Variants in RAB11FIP4 observed in about 807,000 individuals in gnomAD.
RAB11FIP4 encodes the protein rab11 family-interacting protein 4.
RAB11FIP4 carries 23 observed loss-of-function variants against 74.3 expected under a neutral mutation model. The ratio of observed to expected loss-of-function variants is 0.31; its 90% CI spans 0.22 to 0.44. The LOEUF (loss-of-function observed/expected upper bound fraction) is 0.44. Among genes scored for constraint, RAB11FIP4 ranks in the 20% least tolerant of loss-of-function variants. The probability of loss-of-function intolerance (pLI) is 1.00; values close to 1 mark genes in which losing one functional copy is unlikely to be tolerated. For missense variants in RAB11FIP4, 630 were observed against 863.9 expected, an observed-to-expected ratio of 0.73 and a Z score of 3.39; for synonymous variants, 360 against 359.9, an observed-to-expected ratio of 1.00 and a Z score of 0.00.
At chr17:31,403,185 C>T (rs936203757) in intron 1 of RAB11FIP4, among the ~76,000 whole-genome samples, 2 of 150,612 alleles carry the variant, frequency 1.3e-5, no homozygotes, top group Non-Finnish European at 3.0e-5. Flanking sequence ...CCCAGTACAC[C>T]CCAGGCATGG....
rs1597987059 is a variant in RAB11FIP4 at position 31,528,620 on chromosome 17, C to T, written c.1495C>T (p.Leu499Phe). The T allele has an allele frequency of 3.7e-6, 6 of 1,613,524 alleles. No individual in the cohort carries two copies. The highest frequency in any genetic ancestry group is 1.7e-4 in the Middle Eastern group (1 of 6,058). ...GCCAACCTGCTTCTCTCCCTCGCAG[C>T]TCATCGAGGACTTGCGGAAGGAGCT... ...FQKEREATQE[L>F]IEDLRKELEH... Residue 499 changes from leucine (L) to phenylalanine (F), a missense_variant and splice_region_variant, in exon 13 of 15, where the codon CTC becomes TTC. Leu to Phe is a conservative substitution (Grantham distance 22, BLOSUM62 0). Coordinates refer to ENST00000621161, the MANE Select transcript of RAB11FIP4 (RefSeq NM_032932.6).
At chr17:31,477,886 T>C (rs1235170748) in intron 3 of RAB11FIP4, among the ~76,000 whole-genome samples, 1 of 152,108 alleles carries the variant, frequency 6.6e-6, no homozygotes, top group Non-Finnish European at 1.5e-5. Context: ...AAAATGGGGA[T>C]AATACCTGCC....
intron 4 of RAB11FIP4, 103 bp from the exon 5 acceptor site, chr17:31,521,063 C>A: frequency 5.8e-6 from 5 of 867,452 alleles, no homozygotes; most frequent in South Asian, 5.7e-5. Context: ...CAAACTTAAT[C>A]GGTAGTGCCA....
chr17:31,454,018 C>T (rs1418672357), intron 3 of RAB11FIP4, among the ~76,000 whole-genome samples: 1 of 152,044 alleles, frequency 6.6e-6, no homozygotes, highest in Non-Finnish European at 1.5e-5. Flanking sequence ...CACCCACAGC[C>T]ACCTGCTGCT....
intron 1 of RAB11FIP4, among the ~76,000 whole-genome samples, chr17:31,401,790 A>T (rs2070988545): frequency 6.6e-6 from 1 of 151,928 alleles, no homozygotes; most frequent in Admixed American, 6.6e-5. Flanking sequence ...ATTCAATGAG[A>T]CTCCCATTCA....
intron 3 of RAB11FIP4, among the ~76,000 whole-genome samples, chr17:31,446,531 G>A (rs1308946771): frequency 6.6e-6 from 1 of 152,106 alleles, no homozygotes; most frequent in Non-Finnish European, 1.5e-5. Flanking sequence ...GTTAGGAGGT[G>A]TGGGCTCTTA....
chr17:31,415,322 A>T (rs1042620579), intron 1 of RAB11FIP4, among the ~76,000 whole-genome samples: 11 of 152,166 alleles, frequency 7.2e-5, no homozygotes, highest in African/African-American at 2.4e-4. Flanking sequence ...GTGACTGACG[A>T]ATCTGCCTCC....
chr17:31,468,323 GGC>G (rs1378982701), intron 3 of RAB11FIP4, among the ~76,000 whole-genome samples: 1 of 152,084 alleles, frequency 6.6e-6, no homozygotes, highest in African/African-American at 2.4e-5. Context: ...CACTGTTCTG[GGC>G]TCCTTTCCTT....
chr17:31,488,804 G>A (rs1429162275), intron 3 of RAB11FIP4, among the ~76,000 whole-genome samples: 2 of 152,212 alleles, frequency 1.3e-5, no homozygotes, highest in South Asian at 2.1e-4. Flanking sequence ...GTGGTGGGAG[G>A]TGTGTTGTGG....
rs1200305953 is a variant in RAB11FIP4, at chr17:31,472,320, G to A, written c.336+38198G>A. 3.9e-5 allele frequency among the ~76,000 whole-genome samples: 6 copies of A among 152,188 alleles called. No individual in the cohort carries two copies. The East Asian group carries it at 1.2e-3, about 29-fold the overall frequency. ...CCCCCATACCCAGCGCAGGGAACCT[G>A]GGGAGAGAGTGGCTGGTTCTGCCCT... On this transcript the variant is annotated intron_variant, in intron 3 of 14. Transcript: ENST00000621161.
intron 3 of RAB11FIP4, among the ~76,000 whole-genome samples, chr17:31,477,549 A>T (rs545831703): frequency 6.7e-4 from 102 of 152,368 alleles, no homozygotes; most frequent in Middle Eastern, 6.8e-3. Flanking sequence ...GCGCCTGGAC[A>T]GGCAGCCGGC....
intron 1 of RAB11FIP4, among the ~76,000 whole-genome samples, chr17:31,412,075 C>T (rs970114198): frequency 4.6e-5 from 7 of 152,194 alleles, no homozygotes; most frequent in Non-Finnish European, 8.8e-5. Flanking sequence ...TGGGAGGACC[C>T]ACCAGAATTT....
chr17:31,481,973 G>T (rs553505912), intron 3 of RAB11FIP4, among the ~76,000 whole-genome samples: 3 of 152,284 alleles, frequency 2.0e-5, no homozygotes, highest in Admixed American at 6.5e-5. Flanking sequence ...CCAGTGGACA[G>T]TCACCAACAC....
chr17:31,396,626 G>A lies in RAB11FIP4; in HGVS notation c.159+4615G>A, dbSNP rs112750828. On this transcript the variant is annotated intron_variant, in intron 1 of 14. Transcript: ENST00000621161. ...GGAATTGAGGTCAAGATCTGGCACC[G>A]GCCTCTGTGTGCTCAACTCACCCTC... 3.6e-3 allele frequency among the ~76,000 whole-genome samples: 555 copies of A among 152,200 alleles called. 3 individuals are homozygous for A. Among genetic ancestry groups the A allele is most frequent in the African/African-American group, 0.013 (529 of 41,538 alleles).
intron 2 of RAB11FIP4, among the ~76,000 whole-genome samples, chr17:31,432,283 C>T (rs954710524): frequency 4.1e-4 from 63 of 152,048 alleles, no homozygotes; most frequent in African/African-American, 1.4e-3. Context: ...CAAACCTGGA[C>T]AAAGCGCTGG....
rs950759239 is a variant in RAB11FIP4, at chr17:31,437,997, C to A, written c.336+3875C>A. Among the ~76,000 whole-genome samples the A allele has an allele frequency of 2.0e-5, 3 of 152,292 alleles. No individual in the cohort carries two copies. The East Asian group carries it at 5.8e-4, about 29-fold the overall frequency. ...AAACTTTGAGGCTTGGGAACCCCAACTGTTGAGCAGGCTGTTGAGAGAGTT... is the reference window on the plus strand; with the variant it reads ...AAACTTTGAGGCTTGGGAACCCCAAATGTTGAGCAGGCTGTTGAGAGAGTT... On this transcript the variant is annotated intron_variant, in intron 3 of 14. Coordinates refer to ENST00000621161, the MANE Select transcript of RAB11FIP4 (RefSeq NM_032932.6).
At chr17:31,521,103 A>G in intron 4 of RAB11FIP4, 63 bp from the exon 5 acceptor site, 2 of 1,330,552 alleles carry the variant, frequency 1.5e-6, no homozygotes, top group Non-Finnish European at 2.0e-6. Flanking sequence ...CAGTTTCCCC[A>G]CCACGGGCTG....
chr17:31,498,672 AC>A (rs1228234437), intron 3 of RAB11FIP4, among the ~76,000 whole-genome samples: 1 of 152,086 alleles, frequency 6.6e-6, no homozygotes, highest in Non-Finnish European at 1.5e-5. Context: ...CTGGCTTTGG[AC>A]CGTGGGTCAG....
chr17:31,397,114 G>T (rs1486328126), intron 1 of RAB11FIP4, among the ~76,000 whole-genome samples: 2 of 152,176 alleles, frequency 1.3e-5, no homozygotes. Flanking sequence ...GGAGCACCTG[G>T]AACTAAAGCT....
Sources: allele counts gnomAD v4.1 joint callset (sites outside exome capture counted in the v4.1 genomes callset), GRCh38; gene constraint gnomAD v4.1.1; transcripts MANE v1.5; gene names NCBI Gene and HGNC (gene_info 2026-07-23, HGNC 2026-07-21).